EYS: variants seen among roughly 807,000 people sequenced by gnomAD.
EYS encodes protein eyes shut homolog.
Under a neutral mutation model 282.1 loss-of-function variants are expected in EYS, and 250 were observed. That is an observed-to-expected ratio of 0.89 (90% CI 0.80 to 0.98). EYS has a LOEUF of 0.98. Ranked by LOEUF, EYS falls within the 50% of genes least tolerant of loss-of-function variation. The pLI, the probability that EYS is intolerant of heterozygous loss-of-function variation, is 0.00. For synonymous variants in EYS, 1,355 were observed against 1,282.9 expected (o/e 1.06, Z -1.20); for missense variants, 4,016 against 3,709.0 (o/e 1.08, Z -2.15).
At chr6:65,270,104 C>T (rs13203921) in intron 12 of EYS, among the ~76,000 whole-genome samples, 93,243 of 151,960 alleles carry the variant, frequency 0.61, 29,777 homozygotes, top group East Asian at 0.86. Flanking sequence ...AGGCAAAATT[C>T]CTCTCCAGCT....
chr6:64,340,586 A>G (rs192836597), intron 29 of EYS, among the ~76,000 whole-genome samples: 4 of 152,002 alleles, frequency 2.6e-5, no homozygotes, highest in African/African-American at 9.6e-5. Context: ...TGGATTAAAG[A>G]TTTAAATATA....
At chr6:65,533,757 C>A (rs1767868079) in intron 2 of EYS, among the ~76,000 whole-genome samples, 1 of 152,112 alleles carries the variant, frequency 6.6e-6, no homozygotes, top group African/African-American at 2.4e-5. Flanking sequence ...TCTGCTGGCA[C>A]CTTGATCTTG....
chr6:65,543,704 TA>T (rs1240913568), intron 2 of EYS, among the ~76,000 whole-genome samples: 1 of 152,244 alleles, frequency 6.6e-6, no homozygotes, highest in Non-Finnish European at 1.5e-5. Flanking sequence ...TACAATTGCT[TA>T]AAATTCAGAT....
chr6:64,096,988 C>T (rs971982478), intron 31 of EYS, among the ~76,000 whole-genome samples: 2 of 152,202 alleles, frequency 1.3e-5, no homozygotes, highest in African/African-American at 4.8e-5. Context: ...CCCTCAGCTG[C>T]AGGTCTGTTG....
intron 22 of EYS, among the ~76,000 whole-genome samples, chr6:64,761,773 C>T (rs1245204048): frequency 2.6e-5 from 4 of 152,000 alleles, no homozygotes; most frequent in East Asian, 1.9e-4. Flanking sequence ...TTAAATTCTT[C>T]GAGGACTAAA....
intron 15 of EYS, among the ~76,000 whole-genome samples, chr6:64,931,139 C>T (rs2150087137): frequency 6.6e-6 from 1 of 152,158 alleles, no homozygotes; most frequent in Middle Eastern, 3.4e-3. Context: ...TTAGGACACA[C>T]AAATCAGCTA....
chr6:64,751,641 T>G (rs551025174), intron 22 of EYS, among the ~76,000 whole-genome samples: 92 of 152,220 alleles, frequency 6.0e-4, no homozygotes, highest in Non-Finnish European at 1.2e-3. Flanking sequence ...ATCATTCATA[T>G]ACCCATCTCT....
chr6:65,576,188 A>T (rs893525115), intron 2 of EYS, among the ~76,000 whole-genome samples: 1 of 152,044 alleles, frequency 6.6e-6, no homozygotes, highest in Admixed American at 6.6e-5. Flanking sequence ...ACAAAATAAC[A>T]GCAAAAAGAT....
At chr6:65,038,632 A>T (rs1456554744) in intron 13 of EYS, among the ~76,000 whole-genome samples, 1 of 151,490 alleles carries the variant, frequency 6.6e-6, no homozygotes, top group African/African-American at 2.4e-5. Context: ...TTAATTTTAA[A>T]TATAATCTGC....
At chr6:63,963,572 C>T (rs184037220) in intron 35 of EYS, among the ~76,000 whole-genome samples, 38 of 152,250 alleles carry the variant, frequency 2.5e-4, no homozygotes, top group African/African-American at 8.7e-4. Context: ...CGAGAGGTGG[C>T]ATTCCTGGGT....
intron 2 of EYS, among the ~76,000 whole-genome samples, chr6:65,505,091 G>T (rs1582388677): frequency 6.6e-6 from 1 of 151,812 alleles, no homozygotes; most frequent in East Asian, 1.9e-4. Flanking sequence ...TTTAATATAT[G>T]TAGGCCTATT....
chr6:63,754,614 C>T (rs1179017854), intron 41 of EYS, among the ~76,000 whole-genome samples: 1 of 152,120 alleles, frequency 6.6e-6, no homozygotes, highest in Admixed American at 6.5e-5. Context: ...GGGTTTGTTC[C>T]AAGTCTTTGC....
chr6:65,465,462 G>A (rs998204001), intron 5 of EYS, among the ~76,000 whole-genome samples: 5 of 151,862 alleles, frequency 3.3e-5, no homozygotes, highest in African/African-American at 4.8e-5. Context: ...GGGTGACAGA[G>A]TGAGGCTCTG....
chr6:64,138,944 A>G (rs1774251611), intron 31 of EYS, among the ~76,000 whole-genome samples: 1 of 152,198 alleles, frequency 6.6e-6, no homozygotes, highest in African/African-American at 2.4e-5. Flanking sequence ...TACTTCTCAA[A>G]GATACCTCCA....
At chr6:65,389,809 G>C (rs1765945108) in intron 7 of EYS, among the ~76,000 whole-genome samples, 1 of 152,046 alleles carries the variant, frequency 6.6e-6, no homozygotes, top group African/African-American at 2.4e-5. Context: ...ATGGACAAGA[G>C]TTTAACGGTA....
chr6:64,410,178 T>C (rs1773842276), intron 28 of EYS, among the ~76,000 whole-genome samples: 1 of 152,102 alleles, frequency 6.6e-6, no homozygotes, highest in South Asian at 2.1e-4. Context: ...CACAACATTT[T>C]AGGGTCCTGG....
chr6:65,266,501 T>C (rs538165467), intron 12 of EYS, among the ~76,000 whole-genome samples: 5 of 152,040 alleles, frequency 3.3e-5, no homozygotes, highest in African/African-American at 1.2e-4. Flanking sequence ...AATGAATGAA[T>C]GGATGAATGA....
chr6:64,649,004 G>A (rs1768456414), intron 22 of EYS, among the ~76,000 whole-genome samples: 1 of 152,084 alleles, frequency 6.6e-6, no homozygotes, highest in African/African-American at 2.4e-5. Context: ...GCACTTGTGT[G>A]TGTATGTGTA....
intron 8 of EYS, among the ~76,000 whole-genome samples, chr6:65,373,844 T>C (rs1765254114): frequency 6.6e-6 from 1 of 152,166 alleles, no homozygotes; most frequent in South Asian, 2.1e-4. Context: ...TATTTCTAGA[T>C]ACTGAATTAT....
Sources: allele counts gnomAD v4.1 joint callset (sites outside exome capture counted in the v4.1 genomes callset), GRCh38; gene constraint gnomAD v4.1.1; transcripts MANE v1.5; gene names NCBI Gene and HGNC (gene_info 2026-07-23, HGNC 2026-07-21).